Variants in SLC13A3 observed in about 807,000 individuals in gnomAD.
SLC13A3 encodes solute carrier family 13 member 3.
SLC13A3 carries 40 observed loss-of-function variants against 59.0 expected under a neutral mutation model. The observed-to-expected ratio is 0.68, with a 90% CI of 0.53 to 0.88. The LOEUF is 0.88. Among genes scored for constraint, SLC13A3 ranks in the 40% least tolerant of loss-of-function variants. The pLI, the probability that SLC13A3 is intolerant of heterozygous loss-of-function variation, is 0.00. For missense variants in SLC13A3, 699 were observed against 783.2 expected (o/e 0.89, Z 1.28); for synonymous variants, 317 against 330.3 (o/e 0.96, Z 0.44).
upstream of SLC13A3, among the ~76,000 whole-genome samples, chr20:46,653,189 C>T (rs886403715): frequency 9.2e-5 from 14 of 152,162 alleles, no homozygotes; most frequent in African/African-American, 3.4e-4. Context: ...AAATATTTCT[C>T]CCCGTCTGTA....
intron 3 of SLC13A3, chr20:46,609,023 C>G (rs1255406405): frequency 6.4e-6 from 10 of 1,550,478 alleles, no homozygotes; most frequent in East Asian, 2.4e-5. Flanking sequence ...GAAGTTTCAG[C>G]CTTTCCTCAG....
intron 3 of SLC13A3, 135 bp from the exon 4 acceptor site, chr20:46,600,172 C>CAG (rs1225342901): frequency 2.2e-5 from 5 of 225,162 alleles, no homozygotes; most frequent in Admixed American, 6.6e-5. Context: ...AAGACAAAGA[C>CAG]AGAGAGAGAG....
intron 1 of SLC13A3, among the ~76,000 whole-genome samples, chr20:46,678,037 G>A (rs1008643756): frequency 6.6e-6 from 1 of 152,214 alleles, no homozygotes; most frequent in East Asian, 1.9e-4. Context: ...GTGAACCCAA[G>A]AAAACTGCCT....
At chr20:46,572,291 T>C (rs2062035276) in intron 10 of SLC13A3, among the ~76,000 whole-genome samples, 1 of 152,100 alleles carries the variant, frequency 6.6e-6, no homozygotes, top group East Asian at 1.9e-4. Context: ...AGCATTCTGG[T>C]CGCTCCTGGG....
intron 2 of SLC13A3, 121 bp from the exon 3 acceptor site, chr20:46,610,730 CA>C: frequency 1.2e-6 from 1 of 827,518 alleles, no homozygotes; most frequent in Non-Finnish European, 1.8e-6. Flanking sequence ...ACTTGAGACT[CA>C]AAGCAGAAAC....
At chr20:46,609,598 G>C (rs929960177) in intron 3 of SLC13A3, among the ~76,000 whole-genome samples, 1 of 152,108 alleles carries the variant, frequency 6.6e-6, no homozygotes, top group Non-Finnish European at 1.5e-5. Context: ...TGTCGTTCAT[G>C]TGTATTTTCA....
upstream of SLC13A3, among the ~76,000 whole-genome samples, chr20:46,674,234 G>T (rs2063109034): frequency 6.6e-6 from 1 of 152,106 alleles, no homozygotes; most frequent in Non-Finnish European, 1.5e-5. Context: ...GCAGCTCCAA[G>T]AACAATATTG....
intron 9 of SLC13A3, among the ~76,000 whole-genome samples, chr20:46,578,591 G>A (rs558478119): frequency 1.3e-5 from 2 of 152,140 alleles, no homozygotes; most frequent in Non-Finnish European, 2.9e-5. Flanking sequence ...CATGAGAATC[G>A]CTTGAACCCG....
upstream of SLC13A3, among the ~76,000 whole-genome samples, chr20:46,671,229 G>A (rs763228974): frequency 6.6e-6 from 1 of 152,138 alleles, no homozygotes; most frequent in African/African-American, 2.4e-5. Flanking sequence ...ACTGAAGCGG[G>A]AATACAAGTT....
At chr20:46,683,543 C>T (rs1386261223) in intron 1 of SLC13A3, among the ~76,000 whole-genome samples, 1 of 152,166 alleles carries the variant, frequency 6.6e-6, no homozygotes, top group Non-Finnish European at 1.5e-5. Context: ...GTTTTTCACA[C>T]CCTATGTAGA....
At chr20:46,643,945 A>G (rs1281736879) in intron 1 of SLC13A3, among the ~76,000 whole-genome samples, 2 of 152,060 alleles carry the variant, frequency 1.3e-5, no homozygotes, top group Non-Finnish European at 2.9e-5. Flanking sequence ...GACTGATGTG[A>G]GAGGATCACT....
At chr20:46,577,702 A>G (rs1240727007) in intron 9 of SLC13A3, among the ~76,000 whole-genome samples, 2 of 152,186 alleles carry the variant, frequency 1.3e-5, no homozygotes, top group East Asian at 1.9e-4. Flanking sequence ...CATAAGCACA[A>G]TCTCTGACTA....
chr20:46,648,688 T>G (rs970735021), intron 1 of SLC13A3, among the ~76,000 whole-genome samples: 4 of 152,168 alleles, frequency 2.6e-5, no homozygotes, highest in Admixed American at 2.6e-4. Context: ...GTGGATCGCT[T>G]GAGTCTAGGA....
At chr20:46,633,003 A>G (rs550868948) in intron 1 of SLC13A3, among the ~76,000 whole-genome samples, 2 of 151,750 alleles carry the variant, frequency 1.3e-5, no homozygotes, top group Admixed American at 1.3e-4. Context: ...TCTATCATCT[A>G]TCTATCTGGA....
intron 1 of SLC13A3, among the ~76,000 whole-genome samples, chr20:46,661,327 T>C (rs1182023028): frequency 1.3e-5 from 2 of 152,182 alleles, no homozygotes; most frequent in African/African-American, 4.8e-5. Context: ...AGTTAATCGG[T>C]TTTACCCGTA....
chr20:46,608,631 C>G, intron 3 of SLC13A3: 1 of 346,304 alleles, frequency 2.9e-6, no homozygotes, highest in Non-Finnish European at 5.2e-6. Context: ...ATAAAATAAG[C>G]AGGACCCCTT....
chr20:46,651,177 C>G, intron 1 of SLC13A3, 134 bp downstream of exon 1: 1 of 1,338,622 alleles, frequency 7.5e-7, no homozygotes, highest in East Asian at 3.1e-5. Flanking sequence ...GCGGCAGGTG[C>G]AAGGGAGGGA....
chr20:46,674,854 C>T (rs1600635620), upstream of SLC13A3, among the ~76,000 whole-genome samples: 2 of 152,224 alleles, frequency 1.3e-5, no homozygotes, highest in East Asian at 1.9e-4. Flanking sequence ...GGGCCACAGA[C>T]AGCAAACAAA....
At chr20:46,626,097 T>TTC (rs74176872) in intron 1 of SLC13A3, among the ~76,000 whole-genome samples, 9,237 of 145,816 alleles carry the variant, frequency 0.063, 687 homozygotes, top group East Asian at 0.43. Context: ...CAAAGCTGTA[T>TTC]TCTCTCTCTC....
Sources: gnomAD v4.1 joint callset for allele counts (sites outside exome capture counted in the v4.1 genomes callset) on GRCh38, gnomAD v4.1.1 for gene constraint, MANE v1.5 for transcripts, NCBI Gene and HGNC (gene_info 2026-07-23, HGNC 2026-07-21) for gene names.